The following FER1L6 variants were observed in gnomAD, a reference collection of about 807,000 sequenced individuals.
FER1L6 encodes the protein fer-1 like family member 6.
A neutral mutation model predicts 219.2 loss-of-function variants in FER1L6; 177 were observed. The observed-to-expected ratio is 0.81, with a 90% CI of 0.71 to 0.91. FER1L6 has a LOEUF of 0.91. Among genes scored for constraint, FER1L6 ranks in the 40% least tolerant of loss-of-function variants. FER1L6 has a pLI of 0.00. For synonymous variants in FER1L6, 768 were observed against 824.3 expected (o/e 0.93, Z 1.17); for missense variants, 2,153 against 2,259.9 (o/e 0.95, Z 0.96).
chr8:123,889,968 T>A (rs1230817671), intron 1 of FER1L6, among the ~76,000 whole-genome samples: 1 of 152,134 alleles, frequency 6.6e-6, no homozygotes, highest in Non-Finnish European at 1.5e-5. Flanking sequence ...AAAGTTTAGA[T>A]AGTAAAATAT....
At chr8:123,979,399 C>T (rs1224757088) in intron 10 of FER1L6, among the ~76,000 whole-genome samples, 1 of 152,156 alleles carries the variant, frequency 6.6e-6, no homozygotes, top group Non-Finnish European at 1.5e-5. Flanking sequence ...GTACTATTAA[C>T]ATCTCCCTTT....
At chr8:123,862,568 T>C (rs371772933) in intron 1 of FER1L6, among the ~76,000 whole-genome samples, 2 of 142,550 alleles carry the variant, frequency 1.4e-5, no homozygotes, top group East Asian at 3.9e-4. Context: ...CAGTTCCTCC[T>C]TGTACCTCTG....
chr8:123,945,853 C>A (rs1814462781), intron 1 of FER1L6, among the ~76,000 whole-genome samples: 1 of 152,180 alleles, frequency 6.6e-6, no homozygotes, highest in African/African-American at 2.4e-5. Flanking sequence ...CAGCATTGAA[C>A]TGCTTTTGCT....
At chr8:123,902,107 G>A (rs867637607) in intron 1 of FER1L6, among the ~76,000 whole-genome samples, 2 of 152,084 alleles carry the variant, frequency 1.3e-5, no homozygotes, top group Non-Finnish European at 2.9e-5. Flanking sequence ...CCATATATTT[G>A]GATGATTTTG....
At chr8:124,067,559 G>A (rs556835746) in intron 27 of FER1L6, among the ~76,000 whole-genome samples, 148 of 152,256 alleles carry the variant, frequency 9.7e-4, no homozygotes, top group African/African-American at 2.8e-3. Flanking sequence ...TTGGAAGTGC[G>A]GATACCTCTT....
intron 1 of FER1L6, among the ~76,000 whole-genome samples, chr8:123,867,043 T>G (rs1481812269): frequency 6.6e-6 from 1 of 152,254 alleles, no homozygotes; most frequent in Non-Finnish European, 1.5e-5. Flanking sequence ...TTGTTTCTTT[T>G]GCAGTGCAGA....
chr8:123,988,388 G>T (rs1404809405), intron 12 of FER1L6, among the ~76,000 whole-genome samples: 1 of 152,156 alleles, frequency 6.6e-6, no homozygotes, highest in Non-Finnish European at 1.5e-5. Flanking sequence ...GATAGAGATT[G>T]CATTGAATCT....
At chr8:124,036,376 C>T (rs945175307) in intron 19 of FER1L6, 17 of 152,224 alleles carry the variant, frequency 1.1e-4, no homozygotes, top group African/African-American at 4.1e-4. Flanking sequence ...AGAGCATTGT[C>T]TTTGGAAAAT....
chr8:124,076,088 T>G (rs1821273108), intron 31 of FER1L6, 110 bp from the exon 32 acceptor site: 2 of 1,387,304 alleles, frequency 1.4e-6, no homozygotes, highest in African/African-American at 2.9e-5. Flanking sequence ...AATCAGACTA[T>G]CTAGAGACAG....
intron 6 of FER1L6, among the ~76,000 whole-genome samples, chr8:123,972,982 C>T (rs955785311): frequency 2.0e-5 from 3 of 152,144 alleles, no homozygotes; most frequent in East Asian, 1.9e-4. Flanking sequence ...TTGTTCTCAC[C>T]GTTGTACATG....
chr8:123,974,766 T>G (rs1180620368), intron 7 of FER1L6, among the ~76,000 whole-genome samples: 1 of 151,842 alleles, frequency 6.6e-6, no homozygotes, highest in African/African-American at 2.4e-5. Context: ...CTTGGAAGTT[T>G]TGACTCACAG....
chr8:123,980,344 T>C, intron 10 of FER1L6, 121 bp from the exon 11 acceptor site: 1 of 802,038 alleles, frequency 1.2e-6, no homozygotes, highest in Non-Finnish European at 2.0e-6. Flanking sequence ...CTTTTGGTCA[T>C]GGGATATCCT....
intron 39 of FER1L6, among the ~76,000 whole-genome samples, chr8:124,104,052 G>T (rs1822658136): frequency 6.6e-6 from 1 of 152,168 alleles, no homozygotes; most frequent in Non-Finnish European, 1.5e-5. Flanking sequence ...GGATCCAGTG[G>T]GTGTGAGGCA....
At position 123,974,659 on chromosome 8, in the gene FER1L6, C is replaced by CAAAAAAAAAAAAAAAAAAAA. The variant is rs994690186; in HGVS notation, c.527-487_527-468dup. 1.1e-3 allele frequency among the ~76,000 whole-genome samples: 52 copies of CAAAAAAAAAAAAAAAAAAAA among 47,770 alleles called. 1 individual carries two copies. The highest frequency in any genetic ancestry group is 1.4e-3 in the African/African-American group (21 of 15,200). 31.3% of individuals were successfully genotyped at this position (47,770 alleles called of 152,430 possible). A position where few individuals can be genotyped will look rare whatever the true frequency, so the allele number is the denominator to read the frequency against. ...CAGGCATCACAGCGAGACTCTGTCT[C>CAAAAAAAAAAAAAAAAAAAA]AAAAAAAAAAAAAAAAAAAAAAAGA... On this transcript the variant is annotated intron_variant, in intron 7 of 40. Transcript: ENST00000522917.
intron 31 of FER1L6, among the ~76,000 whole-genome samples, chr8:124,075,789 C>T (rs910449920): frequency 2.0e-5 from 3 of 152,164 alleles, no homozygotes; most frequent in Non-Finnish European, 4.4e-5. Context: ...GGACTGCCAT[C>T]GTACATGTGG....
At chr8:124,038,916 A>G (rs1310906398) in intron 19 of FER1L6, among the ~76,000 whole-genome samples, 1 of 152,202 alleles carries the variant, frequency 6.6e-6, no homozygotes, top group African/African-American at 2.4e-5. Flanking sequence ...AGTCCGTGAA[A>G]TGGGAGTGGG....
intron 21 of FER1L6, chr8:124,046,102 T>G: frequency 1.9e-6 from 1 of 524,134 alleles, no homozygotes; most frequent in Non-Finnish European, 3.3e-6. Context: ...ACTAAAAGAG[T>G]TTTTCACTGA....
intron 22 of FER1L6, among the ~76,000 whole-genome samples, chr8:124,053,275 C>T (rs1346138213): frequency 6.6e-6 from 1 of 152,158 alleles, no homozygotes; most frequent in Non-Finnish European, 1.5e-5. Flanking sequence ...CTCAAGCTTT[C>T]TTGTCACTGT....
At chr8:124,094,019 G>A (rs762109534) in intron 34 of FER1L6, among the ~76,000 whole-genome samples, 4 of 151,810 alleles carry the variant, frequency 2.6e-5, no homozygotes, top group South Asian at 4.2e-4. Context: ...CTTGTTTTGC[G>A]CGTATCATTT....
Sources: allele counts gnomAD v4.1 joint callset (sites outside exome capture counted in the v4.1 genomes callset), GRCh38; gene constraint gnomAD v4.1.1; transcripts MANE v1.5; gene names NCBI Gene and HGNC (gene_info 2026-07-23, HGNC 2026-07-21).